BRD10: variants seen among roughly 807,000 people sequenced by gnomAD.
The protein encoded by BRD10 is bromodomain containing 10.
the BRD10 span, among the ~76,000 whole-genome samples, chr9:5,995,220 A>G: frequency 6.6e-6 from 1 of 152,100 alleles, no homozygotes; most frequent in Non-Finnish European, 1.5e-5. Flanking sequence ...CACTATTCAA[A>G]AGCTTCATTC....
chr9:5,911,235 G>A, the BRD10 span, among the ~76,000 whole-genome samples: 9 of 152,070 alleles, frequency 5.9e-5, no homozygotes, highest in South Asian at 1.4e-3. Flanking sequence ...CAAAAGATAC[G>A]GGTCTTGTTT....
At chr9:5,982,286 A>C in the BRD10 span, among the ~76,000 whole-genome samples, 2 of 152,282 alleles carry the variant, frequency 1.3e-5, no homozygotes, top group South Asian at 4.2e-4. Flanking sequence ...GACACTGGAC[A>C]AACAGTGCAG....
At chr9:5,957,145 C>G in the BRD10 span, among the ~76,000 whole-genome samples, 1 of 152,096 alleles carries the variant, frequency 6.6e-6, no homozygotes, top group Non-Finnish European at 1.5e-5. Flanking sequence ...TGCTGTGTGT[C>G]AGATACTTAG....
At chr9:5,892,651 T>C in the BRD10 span, 3 of 905,386 alleles carry the variant, frequency 3.3e-6, no homozygotes, top group Non-Finnish European at 5.0e-6. Context: ...ATCTCCCTAG[T>C]GTTTATCTCC....
chr9:5,999,891 A>T, the BRD10 span, among the ~76,000 whole-genome samples: 1 of 151,418 alleles, frequency 6.6e-6, no homozygotes, highest in East Asian at 1.9e-4. Flanking sequence ...TTACCACATT[A>T]ACCACATACT....
the BRD10 span, among the ~76,000 whole-genome samples, chr9:5,982,700 C>G: frequency 6.6e-6 from 1 of 152,172 alleles, no homozygotes; most frequent in Non-Finnish European, 1.5e-5. Context: ...TCATAAATTA[C>G]CCAGTTTCCA....
chr9:5,914,763 G>T, the BRD10 span, among the ~76,000 whole-genome samples: 1 of 151,954 alleles, frequency 6.6e-6, no homozygotes, highest in Non-Finnish European at 1.5e-5. Context: ...CTATTTTTTA[G>T]ATCATTCCAT....
the BRD10 span, among the ~76,000 whole-genome samples, chr9:5,994,468 C>T: frequency 1.3e-5 from 2 of 152,154 alleles, no homozygotes. Flanking sequence ...GACCATTAAA[C>T]TTACTTTCTA....
chr9:5,920,120 G>A, the BRD10 span: 3 of 1,613,804 alleles, frequency 1.9e-6, no homozygotes, highest in South Asian at 3.3e-5. Context: ...GCTTCTTAGA[G>A]GATGTTGTAG....
chr9:5,902,285 G>A, the BRD10 span, among the ~76,000 whole-genome samples: 3 of 152,116 alleles, frequency 2.0e-5, no homozygotes, highest in Non-Finnish European at 4.4e-5. Flanking sequence ...TCAAATTTGT[G>A]AGCATAGTTC....
the BRD10 span, chr9:6,007,609 A>C: frequency 6.2e-7 from 1 of 1,606,094 alleles, no homozygotes; most frequent in African/African-American, 1.3e-5. Context: ...CATCGCCTCC[A>C]TCTCTTCCTC....
At chr9:5,917,766 T>A in the BRD10 span, among the ~76,000 whole-genome samples, 1 of 152,128 alleles carries the variant, frequency 6.6e-6, no homozygotes, top group African/African-American at 2.4e-5. Context: ...GGTGGGAGAA[T>A]TGCTTGAATC....
the BRD10 span, among the ~76,000 whole-genome samples, chr9:5,946,153 C>T: frequency 8.4e-3 from 1,281 of 152,082 alleles, 20 homozygotes; most frequent in African/African-American, 0.03. Context: ...TATGAAATTG[C>T]TGATATGCTT....
the BRD10 span, among the ~76,000 whole-genome samples, chr9:5,963,483 A>T: frequency 4.1e-5 from 6 of 145,968 alleles, no homozygotes. Context: ...ATACTGCCCA[A>T]GGTAATTTAC....
the BRD10 span, among the ~76,000 whole-genome samples, chr9:5,904,500 A>C: frequency 6.6e-6 from 1 of 151,372 alleles, no homozygotes; most frequent in African/African-American, 2.4e-5. Context: ...ACAGAATCTC[A>C]CTCACTCTGT....
the BRD10 span, chr9:5,929,249 T>C: frequency 4.4e-6 from 3 of 676,226 alleles, no homozygotes; most frequent in Admixed American, 3.0e-5. Flanking sequence ...AAAACACCAA[T>C]ACTCCATAAA....
chr9:5,968,294 C>G, the BRD10 span: 5 of 1,611,640 alleles, frequency 3.1e-6, no homozygotes, highest in East Asian at 8.9e-5. Flanking sequence ...ACTGTGACTT[C>G]CATTTACATG....
At chr9:5,921,808 G>C in the BRD10 span, 2 of 1,614,006 alleles carry the variant, frequency 1.2e-6, no homozygotes, top group Non-Finnish European at 1.7e-6. Context: ...AGGACTTCAA[G>C]GGAGAAGAGG....
chr9:5,950,236 C>T, the BRD10 span, among the ~76,000 whole-genome samples: 1 of 151,968 alleles, frequency 6.6e-6, no homozygotes, highest in African/African-American at 2.4e-5. Flanking sequence ...TGCTAAGGGT[C>T]AATAATAGAT....
Sources: gnomAD v4.1 joint callset for allele counts (sites outside exome capture counted in the v4.1 genomes callset) on GRCh38, gnomAD v4.1.1 for gene constraint, MANE v1.5 for transcripts, NCBI Gene and HGNC (gene_info 2026-07-23, HGNC 2026-07-21) for gene names.